Variants in CNTFR observed in about 807,000 individuals in gnomAD.
CNTFR encodes the protein ciliary neurotrophic factor receptor.
CNTFR carries 12 observed loss-of-function variants against 40.4 expected under a neutral mutation model. The ratio of observed to expected loss-of-function variants is 0.30; its 90% confidence interval spans 0.19 to 0.48. CNTFR has a LOEUF of 0.48. CNTFR is among the 20% of genes least tolerant of loss of function. The pLI, the probability that CNTFR is intolerant of heterozygous loss-of-function variation, is 0.99. For synonymous variants in CNTFR, 202 were observed against 209.6 expected (o/e 0.96, Z 0.31); for missense variants, 414 against 506.8 (o/e 0.82, Z 1.76).
intron 1 of CNTFR, among the ~76,000 whole-genome samples, chr9:34,587,718 A>C (rs773779980): frequency 1.3e-5 from 2 of 152,150 alleles, no homozygotes; most frequent in African/African-American, 4.8e-5. Flanking sequence ...GTCCCAGAAT[A>C]TAAGTGTGAA....
At chr9:34,571,874 G>A (rs536515338) in intron 2 of CNTFR, among the ~76,000 whole-genome samples, 1 of 152,160 alleles carries the variant, frequency 6.6e-6, no homozygotes, top group East Asian at 1.9e-4. Context: ...GAGATAGGAA[G>A]AAATAGAAGA....
intron 1 of CNTFR, among the ~76,000 whole-genome samples, chr9:34,583,953 G>T (rs1191967154): frequency 1.3e-5 from 2 of 152,160 alleles, no homozygotes; most frequent in Non-Finnish European, 2.9e-5. Context: ...GGAGAGAGGG[G>T]CTACGCAAAG....
Position 34,568,920 on chromosome 9 carries a change from T to C in CNTFR, c.62A>G (p.Tyr21Cys). The C allele has an allele frequency of 1.3e-6, 2 of 1,597,654 alleles. No homozygotes were observed. The highest frequency in any genetic ancestry group is 1.7e-6 in the Non-Finnish European group (2 of 1,172,914). Residue 21 changes from tyrosine (Y) to cysteine (C), a missense_variant, in exon 3 of 10, where the codon TAC (tyrosine) becomes TGC (cysteine). By Grantham distance (194) the Tyr-to-Cys change is radical (BLOSUM62 -2). This residue lies in a region of CNTFR where 250 missense variants were observed against 269.5 expected (regional missense o/e 0.93). Coordinates refer to ENST00000378980, the MANE Select transcript of CNTFR (RefSeq NM_147164.3). The stretch of plus-strand genomic sequence containing the variant: ...ACCCTGTGGACTGTGTCTCTGGGCG[T>C]AGACAACTGCGGCGGCGGCGGCAAG... ...AVLAAAAAVV[Y>C]AQRHSPQEAP...
Position 34,568,957 on chromosome 9 carries a change from A to G in CNTFR, c.25T>C (p.Cys9Arg). 3.1e-6 allele frequency: 5 copies of G among 1,599,512 alleles called. No individual in the cohort carries two copies. The highest frequency in any genetic ancestry group is 1.7e-4 in the Middle Eastern group (1 of 6,044). MAAPVPWACCAVLAAAAAV... is the reference protein window; with the variant it reads MAAPVPWARCAVLAAAAAV... ...GCGGCGGCGGCAAGCACAGCACAGC[A>G]GGCCCACGGGACAGGAGCAGCCATC... The change falls in exon 3 of 10, where the codon TGC becomes CGC. Residue 9 changes from cysteine (C) to arginine (R), a missense_variant. Cys to Arg is a radical substitution (Grantham distance 180). Coordinates refer to ENST00000378980, the MANE Select transcript of CNTFR (RefSeq NM_147164.3).
At chr9:34,572,235 ACTCC>A (rs777800982) in intron 2 of CNTFR, among the ~76,000 whole-genome samples, 21 of 151,396 alleles carry the variant, frequency 1.4e-4, no homozygotes, top group Admixed American at 3.9e-4. Context: ...CTTTCCTCAG[ACTCC>A]CAACTGGGCC....
intron 7 of CNTFR, 87 bp downstream of exon 7, chr9:34,556,168 A>G: frequency 7.1e-7 from 1 of 1,416,438 alleles, no homozygotes; most frequent in Non-Finnish European, 9.7e-7. Flanking sequence ...CTCACACTGG[A>G]GCTGCTGCCA....
chr9:34,552,424 G>A lies in CNTFR; in HGVS notation c.950-95C>T. ...ACATACCATTCTGCTTCCTGCATCAGACTGGTACTGCCTCCCCCATCAGGC... is the reference window on the plus strand; with the variant it reads ...ACATACCATTCTGCTTCCTGCATCAAACTGGTACTGCCTCCCCCATCAGGC... On this transcript the variant is annotated intron_variant, in intron 8 of 9. Transcript: ENST00000378980. This position sits in a 1 kb window ranked among gnomAD's most constrained non-coding sequence, Gnocchi z 5.1. The A allele has an allele frequency of 1.5e-6, 2 of 1,314,246 alleles. No homozygotes were observed. 81.4% of individuals were successfully genotyped at this position (1,314,246 alleles called of 1,614,324 possible).
rs1361551378 is a variant in CNTFR, at chr9:34,557,475, C to T, written c.604+51G>A. The T allele has an allele frequency of 1.3e-6, 2 of 1,596,226 alleles. No homozygotes were observed. Among genetic ancestry groups the T allele is most frequent in the Non-Finnish European group, 1.7e-6 (2 of 1,167,966 alleles). On this transcript the variant is annotated intron_variant, in intron 6 of 9. Coordinates refer to ENST00000378980, the MANE Select transcript of CNTFR (RefSeq NM_147164.3). The surrounding 1 kb of genome is among the most constrained non-coding windows in gnomAD (Gnocchi z 4.2). ...CATCCCCACCAATGGCACACATCCACTTACATTCCCACTGGAGTAGGCAGC... is the reference window on the plus strand; with the variant it reads ...CATCCCCACCAATGGCACACATCCATTTACATTCCCACTGGAGTAGGCAGC...
At chr9:34,570,410 C>T (rs1000799603) in intron 2 of CNTFR, among the ~76,000 whole-genome samples, 5 of 152,172 alleles carry the variant, frequency 3.3e-5, no homozygotes, top group African/African-American at 9.7e-5. Context: ...TGCCGAAGGA[C>T]GAGCAAGGAG....
At chr9:34,554,586 C>T (rs1825761659) in intron 7 of CNTFR, among the ~76,000 whole-genome samples, 1 of 152,226 alleles carries the variant, frequency 6.6e-6, no homozygotes, top group African/African-American at 2.4e-5. Flanking sequence ...AGATGCCAGA[C>T]ACGCCCTCCA....
intron 2 of CNTFR, among the ~76,000 whole-genome samples, chr9:34,573,456 G>C (rs942612689): frequency 6.6e-5 from 10 of 152,196 alleles, no homozygotes; most frequent in African/African-American, 2.4e-4. Context: ...GACAATGAAG[G>C]ATCAGGGGGG....
At chr9:34,582,682 A>AG (rs11402168) in intron 1 of CNTFR, 112,332 of 151,918 alleles carry the variant, frequency 0.74, 41,688 homozygotes, top group East Asian at 0.94. Flanking sequence ...TGTTAGAGAC[A>AG]GGTGGTTGAT....
intron 2 of CNTFR, among the ~76,000 whole-genome samples, chr9:34,575,494 G>C (rs1826907454): frequency 6.6e-6 from 1 of 152,046 alleles, no homozygotes; most frequent in Admixed American, 6.5e-5. Flanking sequence ...TGCAAGGCAG[G>C]GCCCTCCGTG....
chr9:34,556,424 C>T lies in CNTFR; in HGVS notation c.605-6G>A. Reference sequence around the variant, plus strand: ...TTCTGGAGGATCAGGCTTCACTGTTCAGGAGACATAGCTTCATTACTACAC... The same window carrying T: ...TTCTGGAGGATCAGGCTTCACTGTTTAGGAGACATAGCTTCATTACTACAC... On this transcript the variant is annotated splice_polypyrimidine_tract_variant and splice_region_variant and intron_variant, in intron 6 of 9. Transcript: ENST00000378980. The T allele has an allele frequency of 2.5e-6, 4 of 1,599,070 alleles. No individual in the cohort carries two copies. The highest frequency in any genetic ancestry group is 3.4e-6 in the Non-Finnish European group (4 of 1,171,310).
At chr9:34,578,879 C>T (rs930198293) in intron 2 of CNTFR, among the ~76,000 whole-genome samples, 3 of 152,200 alleles carry the variant, frequency 2.0e-5, no homozygotes, top group Non-Finnish European at 1.5e-5. Context: ...GCAATGCCAC[C>T]CGTCCTCCAG....
intron 7 of CNTFR, 120 bp downstream of exon 7, chr9:34,556,135 G>T: frequency 2.6e-6 from 3 of 1,164,102 alleles, no homozygotes; most frequent in Non-Finnish European, 3.7e-6. Context: ...CCTTTTCCCC[G>T]CAGAGAGCCT....
chr9:34,571,393 G>A (rs932106116), intron 2 of CNTFR: 1 of 152,442 alleles, frequency 6.6e-6, no homozygotes, highest in Non-Finnish European at 1.5e-5. Context: ...CCCACCACAT[G>A]GGAGCAGGAA....
At position 34,552,360 on chromosome 9, in the gene CNTFR, G is replaced by T. The variant is rs1414928760; in HGVS notation, c.950-31C>A. 1.3e-6 allele frequency: 2 copies of T among 1,525,972 alleles called. No homozygotes were observed. Among genetic ancestry groups the T allele is most frequent in the Non-Finnish European group, 1.8e-6 (2 of 1,140,972 alleles). 94.5% of individuals were successfully genotyped at this position (1,525,972 alleles called of 1,614,324 possible). On this transcript the variant is annotated intron_variant, in intron 8 of 9. Coordinates refer to ENST00000378980, the MANE Select transcript of CNTFR (RefSeq NM_147164.3). This position sits in a 1 kb window ranked among gnomAD's most constrained non-coding sequence, Gnocchi z 5.1. Reference sequence around the variant, plus strand: ...GAACATGGGGGAAACTCAGGGCAAGGCCAGGGCTGGGTCCCATCCAGATCT... The same window carrying T: ...GAACATGGGGGAAACTCAGGGCAAGTCCAGGGCTGGGTCCCATCCAGATCT...
At chr9:34,553,116 G>A (rs1825704317) in intron 7 of CNTFR, among the ~76,000 whole-genome samples, 1 of 152,166 alleles carries the variant, frequency 6.6e-6, no homozygotes, top group Non-Finnish European at 1.5e-5. Context: ...CACCTCAGGG[G>A]AGAATAAGGA....
Sources: gnomAD v4.1 joint callset for allele counts (sites outside exome capture counted in the v4.1 genomes callset) on GRCh38, gnomAD v4.1.1 for gene constraint, gnomAD v4.1.1 regional missense constraint, Gnocchi (gnomAD v3.1) non-coding constraint, MANE v1.5 for transcripts, NCBI Gene and HGNC (gene_info 2026-07-23, HGNC 2026-07-21) for gene names.